Variants in HEG1 observed in about 807,000 individuals in gnomAD.
The protein encoded by HEG1 is heart development protein with EGF like domains 1, also known as protein HEG homolog 1.
Under a neutral mutation model 125.6 loss-of-function variants are expected in HEG1, and 56 were observed. The observed-to-expected ratio is 0.45, with a 90% confidence interval of 0.36 to 0.56. The LOEUF (loss-of-function observed/expected upper bound fraction) is 0.56. HEG1 is among the 20% of genes least tolerant of loss of function. The pLI, the probability that HEG1 is intolerant of heterozygous loss-of-function variation, is 0.00. For missense variants in HEG1, 1,523 were observed against 1,670.0 expected (o/e 0.91, Z 1.53); for synonymous variants, 644 against 668.5 (o/e 0.96, Z 0.57).
chr3:125,014,101 G>T, intron 5 of HEG1, 111 bp from the exon 6 acceptor site: 1 of 990,204 alleles, frequency 1.0e-6, no homozygotes, highest in Non-Finnish European at 1.4e-6. Flanking sequence ...TCAAGTGGGT[G>T]AAACACTTGC....
chr3:124,988,748 C>T (rs1936785336), intron 14 of HEG1, among the ~76,000 whole-genome samples: 2 of 152,184 alleles, frequency 1.3e-5, no homozygotes, highest in African/African-American at 4.8e-5. Context: ...AAAACCCCGT[C>T]TCTACTAAAA....
rs1937204045 is a variant in HEG1 at position 125,013,984 on chromosome 3, C to T, written c.1595G>A (p.Gly532Glu). ...GCCACGCACTTGACCGTAGCTAATC[C>T]CAGCGACTGTAAACGGAAAAGCCAA... is the stretch of plus-strand genomic sequence containing the variant. Reference protein sequence around the residue: ...SAPRGERSIAGISYGQVRGTA... With the variant: ...SAPRGERSIAEISYGQVRGTA... The change falls in exon 6 of 17, where the codon GGG (glycine) becomes GAG (glutamate). Residue 532 changes from glycine (G) to glutamate (E), a missense_variant. Gly to Glu is a moderately conservative substitution (Grantham distance 98, BLOSUM62 -2). Transcript: ENST00000311127. 3.8e-6 allele frequency: 6 copies of T among 1,595,236 alleles called. No individual in the cohort carries two copies. The highest frequency in any genetic ancestry group is 5.1e-6 in the Non-Finnish European group (6 of 1,172,936).
intron 1 of HEG1, among the ~76,000 whole-genome samples, chr3:125,031,703 AC>A (rs63332360): frequency 0.48 from 72,412 of 151,136 alleles, 17,859 homozygotes; most frequent in Middle Eastern, 0.63. Context: ...ACCCACATAT[AC>A]CCCCCACACA....
chr3:125,007,198 CAAA>C (rs1212172102), intron 8 of HEG1, among the ~76,000 whole-genome samples: 3 of 54,702 alleles, frequency 5.5e-5, no homozygotes, highest in African/African-American at 1.3e-4. Flanking sequence ...GACTCCGTCT[CAAA>C]AAAAAAAAAA....
chr3:125,019,225 T>C (rs768869796), intron 5 of HEG1, 37 bp downstream of exon 5: 2 of 1,536,798 alleles, frequency 1.3e-6, no homozygotes, highest in Non-Finnish European at 1.8e-6. Context: ...CCCTCTCTCC[T>C]CTATGGGGCA....
chr3:125,039,853 C>CA (rs908956270), intron 1 of HEG1, among the ~76,000 whole-genome samples: 11 of 140,388 alleles, frequency 7.8e-5, no homozygotes, highest in South Asian at 4.7e-4. Flanking sequence ...AAAAAAACAA[C>CA]AAAAAAAAAC....
At chr3:125,012,536 A>G in intron 6 of HEG1, 87 bp downstream of exon 6, 1 of 1,319,538 alleles carries the variant, frequency 7.6e-7, no homozygotes, top group Non-Finnish European at 1.0e-6. Flanking sequence ...CCATTTCTAC[A>G]AATTCACATG....
At chr3:124,987,955 A>AT in intron 14 of HEG1, among the ~76,000 whole-genome samples, 1 of 128,530 alleles carries the variant, frequency 7.8e-6, no homozygotes, top group East Asian at 2.2e-4. Context: ...ACACACACAT[A>AT]TATATATATA....
At chr3:124,996,390 C>T (rs1936924689) in intron 12 of HEG1, among the ~76,000 whole-genome samples, 1 of 152,130 alleles carries the variant, frequency 6.6e-6, no homozygotes, top group Admixed American at 6.5e-5. Context: ...GGCTCAACTC[C>T]CCATTTCTAA....
At chr3:125,039,847 A>C (rs553753803) in intron 1 of HEG1, among the ~76,000 whole-genome samples, 5 of 150,182 alleles carry the variant, frequency 3.3e-5, no homozygotes, top group African/African-American at 7.5e-5. Flanking sequence ...AAAAAAAAAA[A>C]AACAACAAAA....
At chr3:124,981,688 T>C (rs1365980308) in intron 14 of HEG1, among the ~76,000 whole-genome samples, 2 of 152,164 alleles carry the variant, frequency 1.3e-5, no homozygotes, top group Non-Finnish European at 2.9e-5. Flanking sequence ...AGCACTGGGC[T>C]GAAAGCCAGG....
Position 125,019,427 on chromosome 3 carries a change from A to T in HEG1, c.1423T>A (p.Ser475Thr). The T allele has an allele frequency of 1.2e-6, 2 of 1,614,016 alleles. No individual in the cohort carries two copies. Among genetic ancestry groups the T allele is most frequent in the Non-Finnish European group, 1.7e-6 (2 of 1,179,896 alleles). ...TSADVTGSSA[S>T]YPEGVNASVL... ...GAAGCATTCACACCTTCAGGATATGAAGCAGAGCTTCCTGTCACATCTGCA... is the reference window on the plus strand; with the variant it reads ...GAAGCATTCACACCTTCAGGATATGTAGCAGAGCTTCCTGTCACATCTGCA... Residue 475 changes from serine (S) to threonine (T), a missense_variant, in exon 5 of 17, where the codon TCA becomes ACA. Ser to Thr is a moderately conservative substitution (Grantham distance 58). Coordinates refer to ENST00000311127, the MANE Select transcript of HEG1 (RefSeq NM_020733.2).
Position 125,013,130 on chromosome 3 carries a change from G to C in HEG1, c.2449C>G (p.Pro817Ala). 1 of 1,614,034 alleles carries C rather than the reference G, an allele frequency of 6.2e-7. No individual in the cohort carries two copies. ...TCTGTGGAGGACTCTGTTAAGGATG[G>C]AGGCAAAGGAGAGTTTGTTGTTACA... ...KAVTTNSPLP[P>A]SLTESSTEQT... is the part of the protein sequence containing the mutation. The change falls in exon 6 of 17, where the codon CCA becomes GCA. Residue 817 changes from proline (P) to alanine (A), a missense_variant. Physicochemically the swap from Pro to Ala is conservative, Grantham distance 27. Transcript: ENST00000311127.
At position 125,055,577 on chromosome 3, in the gene HEG1, G is replaced by A; in HGVS notation, c.314C>T (p.Ala105Val). ...CCAGGTTCCCGGCTCTCACTCACCC[G>A]CGCTCCCGCCTCTGGGGGCCCGGCC... ...PSGRAPRGGS[A>V]DAAWKHWPES... is the part of the protein sequence containing the mutation. Residue 105 changes from alanine to valine, a missense_variant and splice_region_variant, in exon 1 of 17, where the codon GCG becomes GTG. Ala to Val is a moderately conservative substitution (Grantham distance 64). Coordinates refer to ENST00000311127, the MANE Select transcript of HEG1 (RefSeq NM_020733.2). 2 of 1,204,992 alleles carry A rather than the reference G, an allele frequency of 1.7e-6. No homozygotes were observed. Among genetic ancestry groups the A allele is most frequent in the South Asian group, 4.2e-5 (1 of 24,084 alleles). 74.6% of individuals were successfully genotyped at this position (1,204,992 alleles called of 1,614,324 possible).
chr3:125,023,535 C>T (rs1428522220), intron 3 of HEG1, among the ~76,000 whole-genome samples: 10 of 152,230 alleles, frequency 6.6e-5, no homozygotes, highest in African/African-American at 1.7e-4. Flanking sequence ...TTAATCCTCA[C>T]GGGAAAGCTA....
intron 1 of HEG1, among the ~76,000 whole-genome samples, chr3:125,053,330 G>A (rs1488953503): frequency 1.3e-5 from 2 of 152,198 alleles, no homozygotes; most frequent in Admixed American, 6.5e-5. Flanking sequence ...CAGACTCACT[G>A]AAATCACTGA....
In HEG1 at chr3:124,967,342, C is replaced by T. The variant is rs563188834; in HGVS notation, c.*3310G>A. 86 of 152,180 alleles carry T rather than the reference C, an allele frequency of 5.7e-4. 1 individual carries two copies. Among genetic ancestry groups the T allele is most frequent in the Middle Eastern group, 3.4e-3 (1 of 294 alleles). 9.4% of individuals were successfully genotyped at this position (152,180 alleles called of 1,614,324 possible). A position where few individuals can be genotyped will look rare whatever the true frequency, so the allele number is the denominator to read the frequency against. On this transcript the variant is annotated 3_prime_UTR_variant, in exon 17 of 17. Coordinates refer to ENST00000311127, the MANE Select transcript of HEG1 (RefSeq NM_020733.2). Reference sequence around the variant, plus strand: ...CCTTCCACTTCCTATACCAAAGCCACGTGCCAGTGTGCTTCTTGCTGAGCA... The same window carrying T: ...CCTTCCACTTCCTATACCAAAGCCATGTGCCAGTGTGCTTCTTGCTGAGCA...
At chr3:124,977,152 T>C (rs1252116189) in intron 15 of HEG1, among the ~76,000 whole-genome samples, 5 of 152,182 alleles carry the variant, frequency 3.3e-5, no homozygotes, top group Admixed American at 2.6e-4. Flanking sequence ...CCTGCTGCCA[T>C]TCACGTAAGA....
chr3:124,979,373 C>T (rs1425586825), intron 14 of HEG1, among the ~76,000 whole-genome samples: 2 of 152,180 alleles, frequency 1.3e-5, no homozygotes, highest in Non-Finnish European at 2.9e-5. Flanking sequence ...GTCTGGGAAT[C>T]ACTGCATCAA....
Sources: gnomAD v4.1 joint callset for allele counts (sites outside exome capture counted in the v4.1 genomes callset) on GRCh38, gnomAD v4.1.1 for gene constraint, MANE v1.5 for transcripts, NCBI Gene and HGNC (gene_info 2026-07-23, HGNC 2026-07-21) for gene names.